Variants in MAN1C1 observed in about 807,000 individuals in gnomAD.
The protein encoded by MAN1C1 is mannosyl-oligosaccharide 1,2-alpha-mannosidase IC.
In MAN1C1, 49 loss-of-function variants were observed where a neutral mutation model predicts 71.5. The ratio of observed to expected loss-of-function variants is 0.69; its 90% CI spans 0.54 to 0.87. The LOEUF (loss-of-function observed/expected upper bound fraction) is 0.87. Ranked by LOEUF, MAN1C1 falls within the 40% of genes least tolerant of loss-of-function variation. The pLI, the probability that MAN1C1 is intolerant of heterozygous loss-of-function variation, is 0.00. For synonymous variants in MAN1C1, 352 were observed against 343.7 expected (o/e 1.02, Z -0.27); for missense variants, 743 against 835.0 (o/e 0.89, Z 1.36).
chr1:25,763,658 G>T, intron 6 of MAN1C1: 1 of 563,912 alleles, frequency 1.8e-6, no homozygotes, highest in Non-Finnish European at 3.2e-6. Context: ...AGAGGCTATG[G>T]ATCAGGCCCT....
intron 1 of MAN1C1, among the ~76,000 whole-genome samples, chr1:25,681,887 G>A (rs2046159892): frequency 6.6e-6 from 1 of 151,926 alleles, no homozygotes; most frequent in Non-Finnish European, 1.5e-5. Flanking sequence ...GATTAAAAAT[G>A]ATGATCCGTA....
chr1:25,667,125 A>G (rs1432197195), intron 1 of MAN1C1, among the ~76,000 whole-genome samples: 1 of 152,190 alleles, frequency 6.6e-6, no homozygotes, highest in African/African-American at 2.4e-5. Flanking sequence ...GGAGGGAGGT[A>G]GGAGGAGAGA....
At chr1:25,709,119 G>T (rs149419834) in intron 2 of MAN1C1, among the ~76,000 whole-genome samples, 5 of 152,142 alleles carry the variant, frequency 3.3e-5, no homozygotes, top group African/African-American at 9.7e-5. Context: ...AGGGTTGAAG[G>T]GGGTGGAAGA....
chr1:25,638,264 T>C (rs1348850971), intron 1 of MAN1C1, among the ~76,000 whole-genome samples: 2 of 152,176 alleles, frequency 1.3e-5, no homozygotes, highest in African/African-American at 2.4e-5. Context: ...ACTGAAATAA[T>C]ACATCATTTC....
chr1:25,724,831 A>C (rs2046812113), intron 2 of MAN1C1, among the ~76,000 whole-genome samples: 1 of 152,204 alleles, frequency 6.6e-6, no homozygotes, highest in South Asian at 2.1e-4. Flanking sequence ...TTTACTTGCT[A>C]CTGGAAGAAA....
At position 25,724,844 on chromosome 1, in the gene MAN1C1, C is replaced by A. The variant is rs188858203; in HGVS notation, c.638-21824C>A. On this transcript the variant is annotated intron_variant, in intron 2 of 11. Coordinates refer to ENST00000374332, the MANE Select transcript of MAN1C1 (RefSeq NM_020379.4). ...CCTTTACTTGCTACTGGAAGAAATG[C>A]TGCCCATCTCTAAAACAATCAGACA... 6.6e-5 allele frequency among the ~76,000 whole-genome samples: 10 copies of A among 152,332 alleles called. No homozygotes were observed. In the East Asian group the frequency reaches 7.7e-4, roughly 12 times the overall value.
At chr1:25,706,762 GA>G (rs890818555) in intron 2 of MAN1C1, among the ~76,000 whole-genome samples, 6 of 152,228 alleles carry the variant, frequency 3.9e-5, no homozygotes, top group African/African-American at 1.4e-4. Flanking sequence ...AAGCACTTAA[GA>G]CAGGCTTGTG....
intron 2 of MAN1C1, among the ~76,000 whole-genome samples, chr1:25,705,882 G>T (rs184185389): frequency 1.3e-5 from 2 of 152,324 alleles, no homozygotes; most frequent in Admixed American, 1.3e-4. Context: ...GTTTGAGGCT[G>T]CAGTGAACTA....
At chr1:25,668,675 C>T (rs1304424454) in intron 1 of MAN1C1, among the ~76,000 whole-genome samples, 2 of 151,984 alleles carry the variant, frequency 1.3e-5, no homozygotes, top group Non-Finnish European at 2.9e-5. Flanking sequence ...CCTGCCTCAG[C>T]CTCCCGAGTA....
intron 2 of MAN1C1, among the ~76,000 whole-genome samples, chr1:25,740,457 G>A (rs1297767809): frequency 6.6e-6 from 1 of 152,050 alleles, no homozygotes; most frequent in African/African-American, 2.4e-5. Context: ...TTGTTGTTGT[G>A]ACGGAGTCTC....
rs944526877 is a variant in MAN1C1, at chr1:25,776,581, A to G, written c.1258-1524A>G. Reference sequence around the variant, plus strand: ...ACAAAACGAATTGCACCTCTCATATATATTTGGTTTTGTTGGGAATTCTCT... The same window carrying G: ...ACAAAACGAATTGCACCTCTCATATGTATTTGGTTTTGTTGGGAATTCTCT... On this transcript the variant is annotated intron_variant, in intron 8 of 11. Coordinates refer to ENST00000374332, the MANE Select transcript of MAN1C1 (RefSeq NM_020379.4). This position sits in a 1 kb window ranked among gnomAD's most constrained non-coding sequence, Gnocchi z 4.3. 6.6e-6 allele frequency among the ~76,000 whole-genome samples: 1 copy of G among 152,050 alleles called. No homozygotes were observed. The highest frequency in any genetic ancestry group is 1.5e-5 in the Non-Finnish European group (1 of 68,012).
At chr1:25,637,015 C>T (rs2045471419) in intron 1 of MAN1C1, among the ~76,000 whole-genome samples, 1 of 152,086 alleles carries the variant, frequency 6.6e-6, no homozygotes, top group Admixed American at 6.6e-5. Context: ...ATTTGCCGGG[C>T]ATGGTGGCAT....
At chr1:25,676,404 T>C (rs1270883853) in intron 1 of MAN1C1, among the ~76,000 whole-genome samples, 4 of 152,146 alleles carry the variant, frequency 2.6e-5, no homozygotes, top group Non-Finnish European at 5.9e-5. Context: ...CTGGGCTGTG[T>C]ATTTGCAGGA....
intron 2 of MAN1C1, among the ~76,000 whole-genome samples, chr1:25,717,017 G>A (rs1035853366): frequency 6.6e-6 from 1 of 152,090 alleles, no homozygotes; most frequent in African/African-American, 2.4e-5. Flanking sequence ...GTGTATTGTC[G>A]AGTAGTATTC....
intron 2 of MAN1C1, among the ~76,000 whole-genome samples, chr1:25,713,627 T>C (rs1278260589): frequency 6.6e-6 from 1 of 152,184 alleles, no homozygotes; most frequent in African/African-American, 2.4e-5. Flanking sequence ...GGAGTTTATA[T>C]AGGACTGTTG....
intron 8 of MAN1C1, among the ~76,000 whole-genome samples, chr1:25,773,754 A>T (rs1055433926): frequency 2.6e-5 from 4 of 152,228 alleles, no homozygotes; most frequent in Non-Finnish European, 4.4e-5. Flanking sequence ...ATTTTGTAGG[A>T]GAGAACTTTG....
intron 3 of MAN1C1, among the ~76,000 whole-genome samples, chr1:25,748,863 G>C (rs748294883): frequency 6.6e-6 from 1 of 152,132 alleles, no homozygotes; most frequent in African/African-American, 2.4e-5. Flanking sequence ...CTGTCTTCCT[G>C]CTGAGCCTTG....
Position 25,631,863 on chromosome 1 carries a change from T to G in MAN1C1, c.540+13526T>G, listed in dbSNP as rs527636693. ...TCAGCTCACTGCAACCTCTGCCTGC[T>G]TAGGTTCAAGTGATTCTCCTGCCTC... On this transcript the variant is annotated intron_variant, in intron 1 of 11. Transcript: ENST00000374332. The surrounding 1 kb of genome is among the most constrained non-coding windows in gnomAD (Gnocchi z 4.2). Among the ~76,000 whole-genome samples, 31 of 152,296 alleles carry G rather than the reference T, an allele frequency of 2.0e-4. No homozygotes were observed. Among genetic ancestry groups the G allele is most frequent in the South Asian group, 1.5e-3 (7 of 4,824 alleles).
At chr1:25,767,372 C>T (rs2124385743) in intron 7 of MAN1C1, among the ~76,000 whole-genome samples, 1 of 76,616 alleles carries the variant, frequency 1.3e-5, no homozygotes, top group Non-Finnish European at 2.5e-5. Flanking sequence ...TCACATACGT[C>T]CACACTCCAC....
Sources: gnomAD v4.1 joint callset for allele counts (sites outside exome capture counted in the v4.1 genomes callset) on GRCh38, gnomAD v4.1.1 for gene constraint, Gnocchi (gnomAD v3.1) non-coding constraint, MANE v1.5 for transcripts, NCBI Gene and HGNC (gene_info 2026-07-23, HGNC 2026-07-21) for gene names.